The following FSTL4 variants were observed in gnomAD, a reference collection of about 807,000 sequenced individuals.
FSTL4 encodes follistatin-related protein 4.
A neutral mutation model predicts 78.2 loss-of-function variants in FSTL4; 28 were observed. That is an observed-to-expected ratio of 0.36 (90% CI 0.27 to 0.49). The LOEUF is 0.49. FSTL4 is among the 20% of genes least tolerant of loss of function. The pLI, the probability that FSTL4 is intolerant of heterozygous loss-of-function variation, is 0.98. For synonymous variants in FSTL4, 422 were observed against 440.5 expected (o/e 0.96, Z 0.53); for missense variants, 922 against 1,084.9 (o/e 0.85, Z 2.11).
At chr5:133,393,105 T>C (rs1250749193) in intron 4 of FSTL4, among the ~76,000 whole-genome samples, 16 of 152,198 alleles carry the variant, frequency 1.1e-4, no homozygotes, top group Non-Finnish European at 2.2e-4. Context: ...ATGGGACAAC[T>C]GAGCTCCCAG....
intron 3 of FSTL4, among the ~76,000 whole-genome samples, chr5:133,526,601 C>T (rs935011609): frequency 2.0e-5 from 3 of 152,110 alleles, no homozygotes; most frequent in Admixed American, 2.0e-4. Flanking sequence ...TAGCTTATCA[C>T]ACACACTCCA....
chr5:133,837,548 T>C, the FSTL4 span, among the ~76,000 whole-genome samples: 52 of 151,990 alleles, frequency 3.4e-4, no homozygotes, highest in African/African-American at 1.1e-3. Flanking sequence ...TTGTTTCTGG[T>C]GGCAGTTAGA....
chr5:133,732,738 G>A, the FSTL4 span, among the ~76,000 whole-genome samples: 16 of 150,396 alleles, frequency 1.1e-4, no homozygotes, highest in Non-Finnish European at 2.1e-4. Flanking sequence ...CAGGCCCTCC[G>A]GCAGCAGTGA....
At chr5:133,652,375 T>C in the FSTL4 span, among the ~76,000 whole-genome samples, 25 of 152,302 alleles carry the variant, frequency 1.6e-4, no homozygotes, top group African/African-American at 5.5e-4. Context: ...CTTTCTAATA[T>C]ATGCATTCAG....
the FSTL4 span, among the ~76,000 whole-genome samples, chr5:133,717,181 G>A: frequency 2.6e-5 from 4 of 152,170 alleles, no homozygotes; most frequent in Non-Finnish European, 5.9e-5. Context: ...TAACTAGTTT[G>A]AACAGTTAAA....
At chr5:133,489,552 T>C (rs1017369980) in intron 3 of FSTL4, among the ~76,000 whole-genome samples, 12 of 152,206 alleles carry the variant, frequency 7.9e-5, no homozygotes, top group African/African-American at 2.9e-4. Context: ...CAGGAGAACT[T>C]GGGGCTAAGA....
rs142599299 is a variant in FSTL4 at position 133,567,753 on chromosome 5, C to T, written c.127-534G>A. Among the ~76,000 whole-genome samples, 22 of 152,290 alleles carry T rather than the reference C, an allele frequency of 1.4e-4. No homozygotes were observed. The East Asian group carries it at 4.1e-3, about 28-fold the overall frequency. On this transcript the variant is annotated intron_variant, in intron 2 of 15. Coordinates refer to ENST00000265342, the MANE Select transcript of FSTL4 (RefSeq NM_015082.2). ...AGATCCTATGAACAATTTGGATAGC[C>T]AGTTCATGCCACTGGACTAAATTAA...
chr5:133,826,086 A>G, the FSTL4 span, among the ~76,000 whole-genome samples: 1 of 152,104 alleles, frequency 6.6e-6, no homozygotes, highest in African/African-American at 2.4e-5. Context: ...TCAATTCACA[A>G]AAGTACATGC....
chr5:133,718,150 T>C, the FSTL4 span, among the ~76,000 whole-genome samples: 557 of 152,180 alleles, frequency 3.7e-3, 3 homozygotes, highest in African/African-American at 0.013. Context: ...TGGAGTGCAG[T>C]GGCACAATCT....
rs375993882 is a variant in FSTL4, at chr5:133,427,590, G to A, written c.161-26604C>T. ...TGCACGCAATGGCGGGGGGAAGGGC[G>A]GGAATGGCGGGGGCGATAGGGGTAA... On this transcript the variant is annotated intron_variant, in intron 3 of 15. Coordinates refer to ENST00000265342, the MANE Select transcript of FSTL4 (RefSeq NM_015082.2). 1.2e-5 allele frequency: 6 copies of A among 519,608 alleles called. No homozygotes were observed. The East Asian group carries it at 1.7e-4, about 14-fold the overall frequency. The allele number at this position is 519,608 out of a possible 1,614,324, so 32.2% of individuals were successfully genotyped here. A position where few individuals can be genotyped will look rare whatever the true frequency, so the allele number is the denominator to read the frequency against.
chr5:133,257,061 A>G (rs895926867), intron 6 of FSTL4, among the ~76,000 whole-genome samples: 1 of 152,226 alleles, frequency 6.6e-6, no homozygotes, highest in Non-Finnish European at 1.5e-5. Flanking sequence ...ACCTAATACA[A>G]TGCCTACCAC....
At position 133,255,496 on chromosome 5, in the gene FSTL4, G is replaced by A. The variant is rs1291378928; in HGVS notation, c.728-5920C>T. 2.6e-5 allele frequency among the ~76,000 whole-genome samples: 4 copies of A among 152,332 alleles called. No homozygotes were observed. The East Asian group carries it at 7.7e-4, about 29-fold the overall frequency. On this transcript the variant is annotated intron_variant, in intron 6 of 15. Transcript: ENST00000265342. ...GGCCCAAGTCAGTGTGGGTTGGTTG[G>A]CACAAGACAGAGCTTCCTGGACCAC...
the FSTL4 span, among the ~76,000 whole-genome samples, chr5:133,795,117 T>C: frequency 6.6e-6 from 1 of 152,294 alleles, no homozygotes; most frequent in African/African-American, 2.4e-5. Flanking sequence ...ATGGGACAGA[T>C]GGAGAGTTTC....
intron 2 of FSTL4, among the ~76,000 whole-genome samples, chr5:133,595,937 A>G (rs1428084006): frequency 6.6e-6 from 1 of 152,226 alleles, no homozygotes; most frequent in East Asian, 1.9e-4. Flanking sequence ...AGGGCCGGGG[A>G]TGCCTTAGGC....
intron 4 of FSTL4, among the ~76,000 whole-genome samples, chr5:133,384,197 T>C (rs1318548077): frequency 3.3e-5 from 5 of 152,120 alleles, no homozygotes; most frequent in Non-Finnish European, 7.4e-5. Context: ...GAAGGTGCAA[T>C]GACCCTAGAG....
At chr5:133,788,916 G>A in the FSTL4 span, among the ~76,000 whole-genome samples, 472 of 152,238 alleles carry the variant, frequency 3.1e-3, 3 homozygotes, top group African/African-American at 0.011. Flanking sequence ...GGTGTTCTCA[G>A]GAAGGAGAAG....
the FSTL4 span, among the ~76,000 whole-genome samples, chr5:133,688,285 T>G: frequency 6.6e-6 from 1 of 152,098 alleles, no homozygotes; most frequent in South Asian, 2.1e-4. Flanking sequence ...TGGTGAAGTA[T>G]GCCTGTAGTC....
chr5:133,835,867 T>C, the FSTL4 span, among the ~76,000 whole-genome samples: 1 of 152,248 alleles, frequency 6.6e-6, no homozygotes, highest in Non-Finnish European at 1.5e-5. Context: ...ATTTTTGCTT[T>C]CTATATTATG....
At chr5:133,446,391 GATC>G (rs1757265742) in intron 3 of FSTL4, among the ~76,000 whole-genome samples, 1 of 152,198 alleles carries the variant, frequency 6.6e-6, no homozygotes, top group Non-Finnish European at 1.5e-5. Flanking sequence ...AGTGAGCCGA[GATC>G]GAACCATGCC....
Sources: allele counts gnomAD v4.1 joint callset (sites outside exome capture counted in the v4.1 genomes callset), GRCh38; gene constraint gnomAD v4.1.1; transcripts MANE v1.5; gene names NCBI Gene and HGNC (gene_info 2026-07-23, HGNC 2026-07-21).